INSL4: variants seen among roughly 807,000 people sequenced by gnomAD.
INSL4 encodes the protein insulin like 4.
Under a neutral mutation model 6.5 loss-of-function variants are expected in INSL4, and 7 were observed. That is an observed-to-expected ratio of 1.08 (90% CI 0.61 to 2.02). The LOEUF is 2.02. Ranked by LOEUF, INSL4 falls within the 30% of genes most tolerant of loss-of-function variation. The probability of loss-of-function intolerance (pLI) is 0.00; values close to 1 mark genes in which losing one functional copy is unlikely to be tolerated. For synonymous variants in INSL4, 82 were observed against 65.8 expected (o/e 1.25, Z -1.19); for missense variants, 226 against 163.2 (o/e 1.38, Z -2.09).
rs956214967 is a variant in INSL4, at chr9:5,234,897, G to C, written c.*1020G>C. The stretch of plus-strand genomic sequence containing the variant: ...CTAGTGTGGGACATGGAGAAGCAAA[G>C]GATAATAAGTGCAATGATACTTGTA... On this transcript the variant is annotated 3_prime_UTR_variant, in exon 2 of 2. Coordinates refer to ENST00000239316, the MANE Select transcript of INSL4 (RefSeq NM_002195.2). 1 of 152,042 alleles carries C rather than the reference G, an allele frequency of 6.6e-6. No homozygotes were observed. Among genetic ancestry groups the C allele is most frequent in the African/African-American group, 2.4e-5 (1 of 41,394 alleles). 9.4% of individuals were successfully genotyped at this position (152,042 alleles called of 1,614,324 possible). A position where few individuals can be genotyped will look rare whatever the true frequency, so the allele number is the denominator to read the frequency against.
rs1245159839 is a variant in INSL4 at position 5,234,759 on chromosome 9, T to C, written c.*882T>C. ...AGTGAGGTTCTACTAGTTGTGTTTGTTTGTTTGCAGGCTAACTGAAGCTGC... is the reference window on the plus strand; with the variant it reads ...AGTGAGGTTCTACTAGTTGTGTTTGCTTGTTTGCAGGCTAACTGAAGCTGC... On this transcript the variant is annotated 3_prime_UTR_variant, in exon 2 of 2. Coordinates refer to ENST00000239316, the MANE Select transcript of INSL4 (RefSeq NM_002195.2). 6.6e-6 allele frequency: 1 copy of C among 152,178 alleles called. No homozygotes were observed. Among genetic ancestry groups the C allele is most frequent in the East Asian group, 1.9e-4 (1 of 5,194 alleles). 9.4% of individuals were successfully genotyped at this position (152,178 alleles called of 1,614,324 possible).
rs1826181254 is a variant in INSL4 at position 5,233,648 on chromosome 9, T to C, written c.197-6T>C. Reference sequence around the variant, plus strand: ...TCACCTTTCATTCCTCTCTTTTACTTCACAGAAATGGTGTCAACCTCCAAC... The same window carrying C: ...TCACCTTTCATTCCTCTCTTTTACTCCACAGAAATGGTGTCAACCTCCAAC... On this transcript the variant is annotated splice_polypyrimidine_tract_variant and splice_region_variant and intron_variant, in intron 1 of 1. Coordinates refer to ENST00000239316, the MANE Select transcript of INSL4 (RefSeq NM_002195.2). The C allele has an allele frequency of 1.2e-6, 2 of 1,607,366 alleles. No homozygotes were observed. The highest frequency in any genetic ancestry group is 1.7e-6 in the Non-Finnish European group (2 of 1,174,604).
Position 5,231,854 on chromosome 9 carries a change from GC to G in INSL4, c.196+136del. The stretch of plus-strand genomic sequence containing the variant: ...AGTTTGTGGTTTTTCATTGTAATGT[GC>G]TTTTATTAAAAGGGTCTCACCAGAA... On this transcript the variant is annotated intron_variant, in intron 1 of 1. Transcript: ENST00000239316. 3 of 742,372 alleles carry G rather than the reference GC, an allele frequency of 4.0e-6. No homozygotes were observed. In the South Asian group the frequency reaches 6.1e-5, roughly 15 times the overall value. The allele number at this position is 742,372 out of a possible 1,614,324, so 46.0% of individuals were successfully genotyped here. A position where few individuals can be genotyped will look rare whatever the true frequency, so the allele number is the denominator to read the frequency against.
In INSL4 at chr9:5,231,728, C is replaced by T. The variant is rs373332205; in HGVS notation, c.196+9C>T. Reference sequence around the variant, plus strand: ...ATCTGGACGTCCCAAAGGTGAGAGCCCTGGACTACCAAACAATCAGAATGA... The same window carrying T: ...ATCTGGACGTCCCAAAGGTGAGAGCTCTGGACTACCAAACAATCAGAATGA... On this transcript the variant is annotated intron_variant, in intron 1 of 1. Coordinates refer to ENST00000239316, the MANE Select transcript of INSL4 (RefSeq NM_002195.2). The T allele has an allele frequency of 1.9e-6, 3 of 1,611,634 alleles. No homozygotes were observed. Among genetic ancestry groups the T allele is most frequent in the African/African-American group, 2.7e-5 (2 of 74,808 alleles).
In INSL4 at chr9:5,233,954, A is replaced by G; in HGVS notation, c.*77A>G. The stretch of plus-strand genomic sequence containing the variant: ...GACAAATTCACTGATGCCCAATTAA[A>G]TGATTGCTGTTTATTAGAACATGAG... On this transcript the variant is annotated 3_prime_UTR_variant, in exon 2 of 2. Coordinates refer to ENST00000239316, the MANE Select transcript of INSL4 (RefSeq NM_002195.2). The G allele has an allele frequency of 1.1e-6, 1 of 925,290 alleles. No homozygotes were observed. Among genetic ancestry groups the G allele is most frequent in the Non-Finnish European group, 1.7e-6 (1 of 575,820 alleles). The allele number at this position is 925,290 out of a possible 1,614,324, so 57.3% of individuals were successfully genotyped here.
Position 5,234,000 on chromosome 9 carries a change from T to C in INSL4, c.*123T>C. ...ATGAGAATCATTATTAGTATTCACA[T>C]GTTTCACTTGCTCTGTACTAATATA... On this transcript the variant is annotated 3_prime_UTR_variant, in exon 2 of 2. Coordinates refer to ENST00000239316, the MANE Select transcript of INSL4 (RefSeq NM_002195.2). 2 of 693,378 alleles carry C rather than the reference T, an allele frequency of 2.9e-6. No homozygotes were observed. The highest frequency in any genetic ancestry group is 3.6e-5 in the South Asian group (2 of 55,376). 43.0% of individuals were successfully genotyped at this position (693,378 alleles called of 1,614,324 possible).
chr9:5,231,473 G>C lies in INSL4; in HGVS notation c.-51G>C, dbSNP rs1433159528. 3 of 1,562,772 alleles carry C rather than the reference G, an allele frequency of 1.9e-6. No individual in the cohort carries two copies. In the African/African-American group the frequency reaches 4.1e-5, roughly 21 times the overall value. Reference sequence around the variant, plus strand: ...ACAGTCTGGTAGGCTACAGCAGCAAGTCTCTAAAGAAAGGCTGAGAACACC... The same window carrying C: ...ACAGTCTGGTAGGCTACAGCAGCAACTCTCTAAAGAAAGGCTGAGAACACC... On this transcript the variant is annotated 5_prime_UTR_variant, in exon 1 of 2. Coordinates refer to ENST00000239316, the MANE Select transcript of INSL4 (RefSeq NM_002195.2).
chr9:5,233,360 A>C (rs1328295379), intron 1 of INSL4, among the ~76,000 whole-genome samples: 4 of 152,140 alleles, frequency 2.6e-5, no homozygotes, highest in South Asian at 2.1e-4. Context: ...CAATCAAAAC[A>C]GTGTCAGGGA....
chr9:5,233,584 T>A, intron 1 of INSL4, 70 bp from the exon 2 acceptor site: 1 of 1,226,986 alleles, frequency 8.2e-7, no homozygotes, highest in Non-Finnish European at 1.2e-6. Context: ...AGGCAAATTG[T>A]ATAATTTTTC....
chr9:5,231,746 C>T, intron 1 of INSL4, 27 bp downstream of exon 1: 1 of 1,599,756 alleles, frequency 6.3e-7, no homozygotes. Flanking sequence ...ACCAAACAAT[C>T]AGAATGAGGC....
rs142630360 is a variant in INSL4 at position 5,231,699 on chromosome 9, T to A, written c.176T>A (p.Leu59Gln). The A allele has an allele frequency of 1.2e-6, 2 of 1,613,664 alleles. No individual in the cohort carries two copies. Among genetic ancestry groups the A allele is most frequent in the East Asian group, 2.2e-5 (1 of 44,822 alleles). The change falls in exon 1 of 2, where the codon CTG (leucine) becomes CAG (glutamine). Residue 59 changes from leucine (L) to glutamine (Q), a missense_variant. Leu to Gln is a moderately radical substitution (Grantham distance 113). Coordinates refer to ENST00000239316, the MANE Select transcript of INSL4 (RefSeq NM_002195.2). ...ACCACCACCCCAGGAGGGTGGCTGC[T>A]GGAATCTGGACGTCCCAAAGGTGAG... ...TFTTTPGGWL[L>Q]ESGRPKEMVS...
In INSL4 at chr9:5,231,547, T is replaced by C. The variant is rs746549883; in HGVS notation, c.24T>C (p.Tyr8=). The C allele has an allele frequency of 8.7e-6, 14 of 1,613,362 alleles. No homozygotes were observed. The highest frequency in any genetic ancestry group is 1.2e-5 in the Non-Finnish European group (14 of 1,179,814). MASLFRS[Y]LPAIWLLLSQ... ...GGATGGCCAGCCTGTTCCGGTCCTA[T>C]CTGCCAGCAATCTGGCTGCTGCTGA... The change falls in exon 1 of 2, where the codon TAT becomes TAC. Residue 8 remains tyrosine (Y), a synonymous_variant. Coordinates refer to ENST00000239316, the MANE Select transcript of INSL4 (RefSeq NM_002195.2).
intron 1 of INSL4, among the ~76,000 whole-genome samples, chr9:5,232,688 G>C (rs1826166158): frequency 6.6e-6 from 1 of 152,152 alleles, no homozygotes; most frequent in African/African-American, 2.4e-5. Context: ...AAGAGATAGA[G>C]GCTACTATAT....
intron 1 of INSL4, among the ~76,000 whole-genome samples, chr9:5,232,825 C>G (rs1164591152): frequency 6.6e-6 from 1 of 152,128 alleles, no homozygotes; most frequent in East Asian, 1.9e-4. Flanking sequence ...TTCTTGTAAC[C>G]CATATGCATA....
intron 1 of INSL4, among the ~76,000 whole-genome samples, chr9:5,232,291 G>A (rs1391983453): frequency 6.6e-6 from 1 of 152,156 alleles, no homozygotes; most frequent in African/African-American, 2.4e-5. Context: ...TTGTCATTAA[G>A]CTGGGCAGTG....
chr9:5,232,813 G>T (rs1826168083), intron 1 of INSL4, among the ~76,000 whole-genome samples: 1 of 152,270 alleles, frequency 6.6e-6, no homozygotes. Context: ...CTCCAGAACT[G>T]CTTCTTGTAA....
intron 1 of INSL4, 33 bp from the exon 2 acceptor site, chr9:5,233,621 C>A: frequency 6.5e-7 from 1 of 1,536,524 alleles, no homozygotes; most frequent in East Asian, 2.3e-5. Context: ...GAATGTTTTT[C>A]CTCACCTTTC....
At position 5,231,472 on chromosome 9, in the gene INSL4, A is replaced by C. The variant is rs1317926803; in HGVS notation, c.-52A>C. ...CACAGTCTGGTAGGCTACAGCAGCA[A>C]GTCTCTAAAGAAAGGCTGAGAACAC... On this transcript the variant is annotated 5_prime_UTR_variant, in exon 1 of 2. Coordinates refer to ENST00000239316, the MANE Select transcript of INSL4 (RefSeq NM_002195.2). The C allele has an allele frequency of 1.3e-6, 2 of 1,559,164 alleles. No individual in the cohort carries two copies. Among genetic ancestry groups the C allele is most frequent in the Non-Finnish European group, 1.7e-6 (2 of 1,146,404 alleles).
chr9:5,232,478 G>C (rs1283470893), intron 1 of INSL4, among the ~76,000 whole-genome samples: 1 of 152,114 alleles, frequency 6.6e-6, no homozygotes, highest in African/African-American at 2.4e-5. Context: ...CAGAGACAAG[G>C]GAATTTCACT....
Sources: allele counts gnomAD v4.1 joint callset (sites outside exome capture counted in the v4.1 genomes callset), GRCh38; gene constraint gnomAD v4.1.1; transcripts MANE v1.5; gene names NCBI Gene and HGNC (gene_info 2026-07-23, HGNC 2026-07-21).